The following NSG2 variants were observed in gnomAD, a reference collection of about 807,000 sequenced individuals.
The protein encoded by NSG2 is neuronal vesicle trafficking-associated protein 2.
Under a neutral mutation model 16.9 loss-of-function variants are expected in NSG2, and 4 were observed. The ratio of observed to expected loss-of-function variants is 0.24; its 90% CI spans 0.12 to 0.54. The LOEUF (loss-of-function observed/expected upper bound fraction) is 0.54, where lower values mean the gene tolerates loss of function less well. NSG2 is among the 20% of genes least tolerant of loss of function. NSG2 has a pLI of 0.95. For missense variants in NSG2, 179 were observed against 221.1 expected (o/e 0.81, Z 1.21); for synonymous variants, 98 against 88.7 (o/e 1.11, Z -0.59).
At chr5:174,098,393 T>A (rs1322456756) in intron 3 of NSG2, among the ~76,000 whole-genome samples, 1 of 152,032 alleles carries the variant, frequency 6.6e-6, no homozygotes, top group Non-Finnish European at 1.5e-5. Context: ...TCCAAAGCCC[T>A]AGGGGGCTGG....
At chr5:174,097,741 CTG>C (rs1413383933) in intron 3 of NSG2, among the ~76,000 whole-genome samples, 5 of 141,890 alleles carry the variant, frequency 3.5e-5, no homozygotes, top group African/African-American at 8.0e-5. Context: ...GTCTCTGTGT[CTG>C]TGTGTGTGTC....
Position 174,103,287 on chromosome 5 carries a change from C to T in NSG2, c.214-941C>T, listed in dbSNP as rs554113066. On this transcript the variant is annotated intron_variant, in intron 3 of 4. Transcript: ENST00000303177. ...GGGTGTATTTGAAGGCAGAAATGATCGTTTCTTCTGGTAGATTGGATGTGG... is the reference window on the plus strand; with the variant it reads ...GGGTGTATTTGAAGGCAGAAATGATTGTTTCTTCTGGTAGATTGGATGTGG... 4.6e-5 allele frequency among the ~76,000 whole-genome samples: 7 copies of T among 151,974 alleles called. No individual in the cohort carries two copies. The East Asian group carries it at 1.2e-3, about 25-fold the overall frequency.
At chr5:174,087,660 C>G (rs1470961649) in intron 3 of NSG2, among the ~76,000 whole-genome samples, 12 of 151,742 alleles carry the variant, frequency 7.9e-5, no homozygotes, top group Non-Finnish European at 1.5e-5. Flanking sequence ...GTGGTGCACC[C>G]CTGCAAGTCC....
At chr5:174,064,380 C>G in intron 3 of NSG2, 65 bp downstream of exon 3, 6 of 1,114,802 alleles carry the variant, frequency 5.4e-6, no homozygotes, top group Non-Finnish European at 7.9e-6. Flanking sequence ...GCTCAGCACA[C>G]CTCGTGCTTG....
At chr5:174,065,327 CAA>C (rs144603912) in intron 3 of NSG2, among the ~76,000 whole-genome samples, 6 of 120,648 alleles carry the variant, frequency 5.0e-5, no homozygotes, top group Admixed American at 8.6e-5. Flanking sequence ...GACTCCGTCT[CAA>C]AAAAAAAAAA....
chr5:174,088,130 CAT>C (rs968242321), intron 3 of NSG2, among the ~76,000 whole-genome samples: 1 of 152,202 alleles, frequency 6.6e-6, no homozygotes, highest in African/African-American at 2.4e-5. Context: ...TTACTGAACA[CAT>C]ACTGTTTCAG....
intron 3 of NSG2, among the ~76,000 whole-genome samples, chr5:174,098,618 G>A (rs1178181069): frequency 6.6e-6 from 1 of 152,168 alleles, no homozygotes; most frequent in Non-Finnish European, 1.5e-5. Context: ...CCCCTCGTGT[G>A]CTCTGTTCAG....
At chr5:174,060,616 C>T (rs1459502499) in intron 2 of NSG2, among the ~76,000 whole-genome samples, 1 of 148,564 alleles carries the variant, frequency 6.7e-6, no homozygotes, top group Non-Finnish European at 1.5e-5. Context: ...GTCAGAAGTC[C>T]AGCCATAGGC....
At chr5:174,103,635 G>A (rs1390969698) in intron 3 of NSG2, among the ~76,000 whole-genome samples, 1 of 151,986 alleles carries the variant, frequency 6.6e-6, no homozygotes, top group Non-Finnish European at 1.5e-5. Context: ...GAAAATGAGG[G>A]GGAAATCACA....
At chr5:174,067,143 A>G (rs986989259) in intron 3 of NSG2, among the ~76,000 whole-genome samples, 3 of 152,168 alleles carry the variant, frequency 2.0e-5, no homozygotes, top group Admixed American at 6.5e-5. Flanking sequence ...AAATAAATGT[A>G]TTAATATTAA....
intron 2 of NSG2, 44 bp downstream of exon 2, chr5:174,046,928 C>A (rs530124876): frequency 1.3e-6 from 2 of 1,599,552 alleles, no homozygotes; most frequent in Admixed American, 1.7e-5. Context: ...AGGCTCCCCC[C>A]ATCTCAGGAA....
At chr5:174,079,449 G>T (rs1760410123) in intron 3 of NSG2, among the ~76,000 whole-genome samples, 2 of 152,072 alleles carry the variant, frequency 1.3e-5, no homozygotes, top group Admixed American at 1.3e-4. Context: ...GTAGAGACGG[G>T]GTTTCACCAT....
intron 3 of NSG2, among the ~76,000 whole-genome samples, chr5:174,075,039 T>C (rs1188293863): frequency 1.3e-5 from 2 of 152,140 alleles, no homozygotes; most frequent in Non-Finnish European, 2.9e-5. Flanking sequence ...AATCCTTGGT[T>C]GGAGTAATAA....
rs1426548024 is a variant in NSG2, at chr5:174,108,000, TGTG to T, written c.*498_*500del. On this transcript the variant is annotated 3_prime_UTR_variant, in exon 5 of 5. Transcript: ENST00000303177. This position sits in a 1 kb window ranked among gnomAD's most constrained non-coding sequence, Gnocchi z 4.5. ...ACAGACCGGGACTATTCCATTAGCC[TGTG>T]GTCTGCAGGGTAGGCCCGCAGGAAA... 1 of 340,872 alleles carries T rather than the reference TGTG, an allele frequency of 2.9e-6. No homozygotes were observed. Among genetic ancestry groups the T allele is most frequent in the Admixed American group, 4.2e-5 (1 of 23,740 alleles). 21.1% of individuals were successfully genotyped at this position (340,872 alleles called of 1,614,324 possible).
At chr5:174,047,792 A>G (rs1759822693) in intron 2 of NSG2, among the ~76,000 whole-genome samples, 1 of 152,230 alleles carries the variant, frequency 6.6e-6, no homozygotes. Context: ...GTATCATTTC[A>G]GGTCCACCTG....
chr5:174,093,677 T>C (rs900914464), intron 3 of NSG2, among the ~76,000 whole-genome samples: 1 of 152,174 alleles, frequency 6.6e-6, no homozygotes, highest in Non-Finnish European at 1.5e-5. Context: ...TCTCTGGAGG[T>C]TCCAGCTGCC....
intron 3 of NSG2, among the ~76,000 whole-genome samples, chr5:174,092,777 T>C (rs1288374910): frequency 6.6e-6 from 1 of 152,184 alleles, no homozygotes; most frequent in Non-Finnish European, 1.5e-5. Flanking sequence ...AGGCTTGTCT[T>C]GATTCTGAGG....
intron 4 of NSG2, among the ~76,000 whole-genome samples, chr5:174,106,197 G>A (rs1318206810): frequency 8.5e-5 from 13 of 152,168 alleles, no homozygotes; most frequent in Admixed American, 7.2e-4. Flanking sequence ...CAGGAGGAAG[G>A]GATGGACGCA....
At chr5:174,064,584 C>T (rs1389531905) in intron 3 of NSG2, 1 of 281,560 alleles carries the variant, frequency 3.6e-6, no homozygotes, top group Non-Finnish European at 6.6e-6. Context: ...CTTCTCCTTT[C>T]TCCTGTTCCC....
Sources: allele counts gnomAD v4.1 joint callset (sites outside exome capture counted in the v4.1 genomes callset), GRCh38; gene constraint gnomAD v4.1.1; non-coding constraint Gnocchi (gnomAD v3.1); transcripts MANE v1.5; gene names NCBI Gene and HGNC (gene_info 2026-07-23, HGNC 2026-07-21).